The following BRAF variants were observed in gnomAD, a reference collection of about 807,000 sequenced individuals.
BRAF encodes B-Raf proto-oncogene, serine/threonine kinase.
BRAF carries 16 observed loss-of-function variants against 104.6 expected under a neutral mutation model. The observed-to-expected ratio is 0.15, with a 90% confidence interval of 0.10 to 0.23. The LOEUF (loss-of-function observed/expected upper bound fraction) is 0.23, where lower values mean the gene tolerates loss of function less well. BRAF is among the 10% of genes least tolerant of loss of function. The probability of loss-of-function intolerance (pLI) is 1.00; values close to 1 mark genes in which losing one functional copy is unlikely to be tolerated. For missense variants in BRAF, 541 were observed against 937.3 expected (o/e 0.58, Z 5.52); for synonymous variants, 310 against 341.6 (o/e 0.91, Z 1.02).
Position 140,725,971 on chromosome 7 carries a change from G to C in BRAF, c.*523C>G. 1 of 1,066,652 alleles carries C rather than the reference G, an allele frequency of 9.4e-7. No homozygotes were observed. The highest frequency in any genetic ancestry group is 1.1e-6 in the Non-Finnish European group (1 of 880,436). The allele number at this position is 1,066,652 out of a possible 1,614,324, so 66.1% of individuals were successfully genotyped here. A position where few individuals can be genotyped will look rare whatever the true frequency, so the allele number is the denominator to read the frequency against. On this transcript the variant is annotated 3_prime_UTR_variant, in exon 20 of 20. Transcript: ENST00000644969. ...GCCTGAACACGCACCACATAGAAAG[G>C]GCAAGCTGCATTTTTGTTCCATCCC...
chr7:140,875,987 C>T (rs1025106003), intron 1 of BRAF, among the ~76,000 whole-genome samples: 3 of 152,132 alleles, frequency 2.0e-5, no homozygotes, highest in African/African-American at 7.2e-5. Flanking sequence ...CGGAAGGAAA[C>T]CTGGAAGAGT....
intron 3 of BRAF, among the ~76,000 whole-genome samples, chr7:140,810,894 G>T (rs1804189221): frequency 6.6e-6 from 1 of 152,122 alleles, no homozygotes; most frequent in South Asian, 2.1e-4. Context: ...CAAGTATCCT[G>T]GGCAGAGCCT....
intron 14 of BRAF, among the ~76,000 whole-genome samples, chr7:140,774,691 A>G (rs907281063): frequency 2.0e-5 from 3 of 151,954 alleles, no homozygotes; most frequent in Non-Finnish European, 4.4e-5. Flanking sequence ...TAAATTTTTT[A>G]TTTTTTACAG....
intron 17 of BRAF, among the ~76,000 whole-genome samples, chr7:140,746,364 TAAAG>T (rs1055957748): frequency 2.6e-5 from 4 of 151,982 alleles, no homozygotes; most frequent in African/African-American, 4.8e-5. Flanking sequence ...GTTAGAATGA[TAAAG>T]AGAGTGGGGG....
At chr7:140,781,779 T>A in intron 11 of BRAF, 86 bp from the exon 11 acceptor site, 1 of 1,057,528 alleles carries the variant, frequency 9.5e-7, no homozygotes, top group Non-Finnish European at 1.5e-6. Flanking sequence ...ACCTTATGCC[T>A]GAGAGGGATA....
At chr7:140,807,773 G>T (rs1272615730) in intron 5 of BRAF, among the ~76,000 whole-genome samples, 187 bp downstream of exon 5, 1 of 151,964 alleles carries the variant, frequency 6.6e-6, no homozygotes, top group African/African-American at 2.4e-5. Context: ...AAATTAAAAA[G>T]AAAGTATAAA....
intron 14 of BRAF, among the ~76,000 whole-genome samples, chr7:140,761,642 C>A (rs1798751054): frequency 6.6e-6 from 1 of 152,006 alleles, no homozygotes; most frequent in African/African-American, 2.4e-5. Context: ...TACAGGAAAC[C>A]CATCTCACAT....
chr7:140,825,353 A>G (rs1038136948), intron 3 of BRAF, among the ~76,000 whole-genome samples: 1 of 152,120 alleles, frequency 6.6e-6, no homozygotes, highest in African/African-American at 2.4e-5. Context: ...AAGATTATCA[A>G]TCTGTGGTTT....
chr7:140,788,326 CCAT>C (rs1302338775), intron 8 of BRAF, among the ~76,000 whole-genome samples: 1 of 152,032 alleles, frequency 6.6e-6, no homozygotes, highest in African/African-American at 2.4e-5. Context: ...GCAACATTAT[CCAT>C]CATACTAAAA....
intron 1 of BRAF, among the ~76,000 whole-genome samples, chr7:140,890,892 T>C (rs959961711): frequency 6.6e-6 from 1 of 152,246 alleles, no homozygotes; most frequent in Non-Finnish European, 1.5e-5. Flanking sequence ...AGATTATTAA[T>C]GCAGTCTAAG....
intron 3 of BRAF, chr7:140,824,376 T>C (rs1183828791): frequency 6.6e-6 from 1 of 152,186 alleles, no homozygotes; most frequent in Non-Finnish European, 1.5e-5. Context: ...GGATATTCAG[T>C]TGCCAGCATC....
chr7:140,728,987 A>G (rs1795772480), intron 19 of BRAF, among the ~76,000 whole-genome samples: 1 of 149,586 alleles, frequency 6.7e-6, no homozygotes, highest in South Asian at 2.1e-4. Context: ...GCACTTCAGG[A>G]GGCCGAGGCA....
At chr7:140,755,733 A>G (rs1798148208) in intron 14 of BRAF, among the ~76,000 whole-genome samples, 1 of 152,062 alleles carries the variant, frequency 6.6e-6, no homozygotes. Flanking sequence ...AAAGTTAAAA[A>G]CTGGTGGAAA....
intron 3 of BRAF, among the ~76,000 whole-genome samples, chr7:140,820,100 T>A (rs1465249344): frequency 3.3e-5 from 5 of 152,182 alleles, no homozygotes; most frequent in African/African-American, 1.2e-4. Flanking sequence ...TTTTGGTTAA[T>A]TTTTTGTCAT....
chr7:140,910,664 A>G (rs1377893078), intron 1 of BRAF, among the ~76,000 whole-genome samples: 2 of 152,032 alleles, frequency 1.3e-5, no homozygotes, highest in East Asian at 1.9e-4. Context: ...TTTCAGTCCT[A>G]AAGGGGAAAA....
chr7:140,899,448 A>G (rs1280869133), intron 1 of BRAF, among the ~76,000 whole-genome samples: 2 of 152,110 alleles, frequency 1.3e-5, no homozygotes, highest in African/African-American at 4.8e-5. Context: ...TTTCCCCCCA[A>G]TTTACATTCC....
intron 7 of BRAF, among the ~76,000 whole-genome samples, chr7:140,795,346 AGT>A (rs1802393727): frequency 6.6e-6 from 1 of 152,192 alleles, no homozygotes; most frequent in Admixed American, 6.5e-5. Context: ...TGGGGAAATG[AGT>A]GTCACTTGAT....
intron 3 of BRAF, among the ~76,000 whole-genome samples, chr7:140,829,347 T>A (rs1401093614): frequency 6.6e-6 from 1 of 151,722 alleles, no homozygotes; most frequent in African/African-American, 2.4e-5. Flanking sequence ...ATTTACATTT[T>A]TTTTTTTTTT....
In BRAF at chr7:140,726,648, T is replaced by C. The variant is rs1487600266; in HGVS notation, c.2402-132A>G. 8 of 817,032 alleles carry C rather than the reference T, an allele frequency of 9.8e-6. No homozygotes were observed. In the Admixed American group the frequency reaches 2.0e-4, roughly 21 times the overall value. 50.6% of individuals were successfully genotyped at this position (817,032 alleles called of 1,614,324 possible). A position where few individuals can be genotyped will look rare whatever the true frequency, so the allele number is the denominator to read the frequency against. ...TCAAGTCTAGCAACAGCATTGCTAATTTAAAAGCAAAAACGGCTGAAACCC... is the reference window on the plus strand; with the variant it reads ...TCAAGTCTAGCAACAGCATTGCTAACTTAAAAGCAAAAACGGCTGAAACCC... On this transcript the variant is annotated intron_variant, in intron 19 of 19. Transcript: ENST00000644969.
Sources: gnomAD v4.1 joint callset for allele counts (sites outside exome capture counted in the v4.1 genomes callset) on GRCh38, gnomAD v4.1.1 for gene constraint, MANE v1.5 for transcripts, NCBI Gene and HGNC (gene_info 2026-07-23, HGNC 2026-07-21) for gene names.